PDE3A: variants seen among roughly 807,000 people sequenced by gnomAD.
PDE3A encodes the protein cGMP-inhibited 3',5'-cyclic phosphodiesterase 3A.
PDE3A carries 43 observed loss-of-function variants against 98.3 expected under a neutral mutation model. The observed-to-expected ratio is 0.44, with a 90% CI of 0.34 to 0.56. The LOEUF (loss-of-function observed/expected upper bound fraction) is 0.56, where lower values mean the gene tolerates loss of function less well. Among genes scored for constraint, PDE3A ranks in the 20% least tolerant of loss-of-function variants. PDE3A has a pLI of 0.01. For missense variants in PDE3A, 1,427 were observed against 1,440.7 expected, an observed-to-expected ratio of 0.99 and a Z score of 0.15; for synonymous variants, 663 against 567.9, an observed-to-expected ratio of 1.17 and a Z score of -2.38.
At chr12:20,650,794 C>G (rs1465415189) in intron 14 of PDE3A, among the ~76,000 whole-genome samples, 194 bp downstream of exon 14, 1 of 144,750 alleles carries the variant, frequency 6.9e-6, no homozygotes, top group East Asian at 2.1e-4. Flanking sequence ...AATCATAGAA[C>G]TCTATGATAA....
At position 20,687,505 on chromosome 12, in the gene PDE3A, T is replaced by A. The variant is rs1163330776; in HGVS notation, c.*7234T>A. 3.2e-5 allele frequency among the ~76,000 whole-genome samples: 1 copy of A among 30,970 alleles called. No individual in the cohort carries two copies. The highest frequency in any genetic ancestry group is 1.0e-4 in the Non-Finnish European group (1 of 10,018). The allele number at this position is 30,970 out of a possible 152,430, so 20.3% of individuals were successfully genotyped here. A position where few individuals can be genotyped will look rare whatever the true frequency, so the allele number is the denominator to read the frequency against. ...CTTATTATGTTTGCTTAACTGGTGT[T>A]TTTTTCACTTATGACTGTCAGTTTA... On this transcript the variant is annotated 3_prime_UTR_variant, in exon 16 of 16. Transcript: ENST00000359062.
At chr12:20,611,128 A>G (rs1393571543) in intron 2 of PDE3A, among the ~76,000 whole-genome samples, 1 of 151,960 alleles carries the variant, frequency 6.6e-6, no homozygotes, top group Non-Finnish European at 1.5e-5. Flanking sequence ...ATCTGTACAT[A>G]TACACATAAC....
intron 13 of PDE3A, among the ~76,000 whole-genome samples, chr12:20,649,596 A>AT (rs1338837084): frequency 6.6e-6 from 1 of 152,144 alleles, no homozygotes; most frequent in African/African-American, 2.4e-5. Context: ...AGTTATGACA[A>AT]TTTTTTATGA....
At chr12:20,676,488 A>G (rs888409379) in intron 15 of PDE3A, among the ~76,000 whole-genome samples, 19 of 130,856 alleles carry the variant, frequency 1.5e-4, no homozygotes, top group Non-Finnish European at 3.0e-4. Context: ...AGAACTCTCT[A>G]TGTCTTTGAC....
chr12:20,428,406 A>G (rs1013424201), intron 1 of PDE3A, among the ~76,000 whole-genome samples: 3 of 151,912 alleles, frequency 2.0e-5, no homozygotes, highest in South Asian at 2.1e-4. Flanking sequence ...CAGCCTCCCA[A>G]GCAGCTGCGA....
intron 1 of PDE3A, among the ~76,000 whole-genome samples, chr12:20,460,976 A>G (rs1223284362): frequency 1.3e-5 from 2 of 152,186 alleles, no homozygotes; most frequent in African/African-American, 4.8e-5. Flanking sequence ...CATACCTAGT[A>G]TAATAGGCTA....
intron 1 of PDE3A, among the ~76,000 whole-genome samples, chr12:20,459,576 A>G (rs1391747047): frequency 4.6e-5 from 7 of 152,176 alleles, no homozygotes; most frequent in Admixed American, 2.6e-4. Flanking sequence ...TAATTTCACC[A>G]TCAAGAGATT....
At chr12:20,393,943 GA>G (rs1363249421) in intron 1 of PDE3A, among the ~76,000 whole-genome samples, 1 of 151,968 alleles carries the variant, frequency 6.6e-6, no homozygotes, top group African/African-American at 2.4e-5. Flanking sequence ...CACAGTTACT[GA>G]TGTGTGTGTC....
At chr12:20,430,687 C>A (rs1944680264) in intron 1 of PDE3A, among the ~76,000 whole-genome samples, 1 of 152,082 alleles carries the variant, frequency 6.6e-6, no homozygotes, top group South Asian at 2.1e-4. Context: ...TTCTAAAATA[C>A]TGTATTTTGC....
intron 1 of PDE3A, 122 bp downstream of exon 1, chr12:20,370,366 C>A: frequency 1.5e-6 from 1 of 683,990 alleles, no homozygotes; most frequent in Admixed American, 3.6e-5. Context: ...ACTGGTCTAA[C>A]TTCAGAATTA....
In PDE3A at chr12:20,682,336, G is replaced by A. The variant is rs747580618; in HGVS notation, c.*2065G>A. Reference sequence around the variant, plus strand: ...ATTTCCAGTTTTTATTTTCTCTGACGTAGTAGAAAGGAATGTTTACATTAA... The same window carrying A: ...ATTTCCAGTTTTTATTTTCTCTGACATAGTAGAAAGGAATGTTTACATTAA... On this transcript the variant is annotated 3_prime_UTR_variant, in exon 16 of 16. Transcript: ENST00000359062. 6.6e-6 allele frequency: 1 copy of A among 152,046 alleles called. No individual in the cohort carries two copies. The highest frequency in any genetic ancestry group is 1.5e-5 in the Non-Finnish European group (1 of 68,020). The allele number at this position is 152,046 out of a possible 1,614,324, so 9.4% of individuals were successfully genotyped here.
chr12:20,603,462 A>G (rs1230039396), intron 2 of PDE3A, among the ~76,000 whole-genome samples: 2 of 152,332 alleles, frequency 1.3e-5, no homozygotes, highest in African/African-American at 2.4e-5. Flanking sequence ...CAGGACTATT[A>G]TGAGTATTTT....
rs574569327 is a variant in PDE3A, at chr12:20,455,831, C to A, written c.960+85587C>A. Among the ~76,000 whole-genome samples, 3 of 152,098 alleles carry A rather than the reference C, an allele frequency of 2.0e-5. No individual in the cohort carries two copies. The East Asian group carries it at 5.8e-4, about 29-fold the overall frequency. On this transcript the variant is annotated intron_variant, in intron 1 of 15. Coordinates refer to ENST00000359062, the MANE Select transcript of PDE3A (RefSeq NM_000921.5). ...TCTAAGAGGTGGAGAGTAGAATAAT[C>A]CATTCAGATAACTCCTCTTGGGTCT...
chr12:20,383,449 G>A (rs1227735789), intron 1 of PDE3A, among the ~76,000 whole-genome samples: 1 of 151,920 alleles, frequency 6.6e-6, no homozygotes, highest in African/African-American at 2.4e-5. Flanking sequence ...GGAAGGTAGT[G>A]AGTGTTTATT....
rs374846666 is a variant in PDE3A, at chr12:20,476,578, C to T, written c.961-80082C>T. ...TAGTGTGTCTTGATTATTGCCTATT[C>T]CATCTTGTGGCATCATACACCCTGT... On this transcript the variant is annotated intron_variant, in intron 1 of 15. Coordinates refer to ENST00000359062, the MANE Select transcript of PDE3A (RefSeq NM_000921.5). Among the ~76,000 whole-genome samples the T allele has an allele frequency of 3.3e-5, 5 of 152,110 alleles. No individual in the cohort carries two copies. The East Asian group carries it at 5.8e-4, about 18-fold the overall frequency.
chr12:20,555,735 T>G (rs1398197699), intron 1 of PDE3A, among the ~76,000 whole-genome samples: 4 of 152,232 alleles, frequency 2.6e-5, no homozygotes, highest in African/African-American at 9.6e-5. Flanking sequence ...TAGCACTGTA[T>G]GTCTTCAGTA....
Position 20,630,063 on chromosome 12 carries a change from A to C in PDE3A, c.1696A>C (p.Thr566Pro). 2 of 1,613,976 alleles carry C rather than the reference A, an allele frequency of 1.2e-6. No individual in the cohort carries two copies. The highest frequency in any genetic ancestry group is 1.7e-6 in the Non-Finnish European group (2 of 1,179,928). The change falls in exon 6 of 16, where the codon ACT becomes CCT. Residue 566 changes from threonine (T) to proline (P), a missense_variant. Physicochemically the swap from Thr to Pro is conservative, Grantham distance 38. Coordinates refer to ENST00000359062, the MANE Select transcript of PDE3A (RefSeq NM_000921.5). ...AAGCCTAGGTTCTCACAGGGCCTTA[A>C]CTTACACTCAGAGTGCCCCAGACCT... ...KQSLGSHRAL[T>P]YTQSAPDLSP...
At chr12:20,453,347 T>G (rs1348096542) in intron 1 of PDE3A, among the ~76,000 whole-genome samples, 1 of 151,772 alleles carries the variant, frequency 6.6e-6, no homozygotes, top group African/African-American at 2.4e-5. Flanking sequence ...CTAATTTTTT[T>G]GTGTGTGTTT....
intron 1 of PDE3A, among the ~76,000 whole-genome samples, chr12:20,395,909 G>T (rs1444641): frequency 1.3e-5 from 2 of 151,310 alleles, no homozygotes; most frequent in African/African-American, 2.4e-5. Context: ...TTTATTTTAG[G>T]GACAGGATAT....
Sources: gnomAD v4.1 joint callset for allele counts (sites outside exome capture counted in the v4.1 genomes callset) on GRCh38, gnomAD v4.1.1 for gene constraint, MANE v1.5 for transcripts, NCBI Gene and HGNC (gene_info 2026-07-23, HGNC 2026-07-21) for gene names.